The following TVP23C variants were observed in gnomAD, a reference collection of about 807,000 sequenced individuals.
TVP23C encodes Golgi apparatus membrane protein TVP23 homolog C.
TVP23C carries 19 observed loss-of-function variants against 28.7 expected under a neutral mutation model. The ratio of observed to expected loss-of-function variants is 0.66; its 90% CI spans 0.46 to 0.97. TVP23C has a LOEUF of 0.97. TVP23C is among the 50% of genes least tolerant of loss of function. TVP23C has a pLI of 0.00. For missense variants in TVP23C, 186 were observed against 241.3 expected (o/e 0.77, Z 1.52); for synonymous variants, 68 against 81.7 (o/e 0.83, Z 0.90).
Position 15,548,412 on chromosome 17 carries a change from G to A in TVP23C, c.241-1264C>T, listed in dbSNP as rs534333860. Among the ~76,000 whole-genome samples the A allele has an allele frequency of 5.3e-5, 8 of 152,238 alleles. No homozygotes were observed. In the South Asian group the frequency reaches 8.3e-4, roughly 16 times the overall value. On this transcript the variant is annotated intron_variant, in intron 3 of 5. Coordinates refer to ENST00000518321, the MANE Select transcript of TVP23C (RefSeq NM_001135036.2). ...AACTCCCAACCTCAGTGATTCACCC[G>A]CCTTGGCCTCCCAAAGTGCTGGGAT...
chr17:15,507,079 G>A (rs1415729990), intron 5 of TVP23C: 2 of 1,148,498 alleles, frequency 1.7e-6, no homozygotes, highest in Non-Finnish European at 2.6e-6. Flanking sequence ...ATGCCATAAT[G>A]GCACTGGTGC....
chr17:15,502,899 C>G, exon 6 of TVP23C: 4 of 1,593,640 alleles, frequency 2.5e-6, no homozygotes, highest in East Asian at 2.2e-5. Context: ...AATTTTGGCC[C>G]GGGCTCACCA....
chr17:15,517,868 A>C (rs1344908062), intron 5 of TVP23C, among the ~76,000 whole-genome samples: 1 of 152,200 alleles, frequency 6.6e-6, no homozygotes, highest in East Asian at 1.9e-4. Flanking sequence ...TTCTCACTCA[A>C]GAATGTTCCC....
chr17:15,551,777 T>C (rs563496522), intron 3 of TVP23C, among the ~76,000 whole-genome samples: 15 of 152,152 alleles, frequency 9.9e-5, no homozygotes, highest in East Asian at 1.9e-4. Context: ...AACCAAAAGA[T>C]TGGACACCCA....
Position 15,539,301 on chromosome 17 carries a change from A to G in TVP23C, c.*1111T>C. On this transcript the variant is annotated 3_prime_UTR_variant, in exon 6 of 6. Transcript: ENST00000518321. ...CTACTGTACTAACCAAATGCAAGGT[A>G]TTACTCATATAAAGACCTAGTCACG... 1.0e-6 allele frequency: 1 copy of G among 985,472 alleles called. No homozygotes were observed. Among genetic ancestry groups the G allele is most frequent in the Non-Finnish European group, 1.2e-6 (1 of 829,960 alleles). 61.0% of individuals were successfully genotyped at this position (985,472 alleles called of 1,614,324 possible). A position where few individuals can be genotyped will look rare whatever the true frequency, so the allele number is the denominator to read the frequency against.
At chr17:15,519,666 T>C (rs975875633) in intron 5 of TVP23C, among the ~76,000 whole-genome samples, 5 of 152,060 alleles carry the variant, frequency 3.3e-5, no homozygotes, top group Admixed American at 6.5e-5. Context: ...ATCCCAGCAC[T>C]TTGGGAGGCC....
At chr17:15,503,514 T>C in intron 5 of TVP23C, 1 of 264,742 alleles carries the variant, frequency 3.8e-6, no homozygotes, top group Non-Finnish European at 7.0e-6. Context: ...CAGAACCCTC[T>C]TAGTCTCGTT....
intron 5 of TVP23C, among the ~76,000 whole-genome samples, chr17:15,527,108 G>A (rs3865257): frequency 0.41 from 62,320 of 151,954 alleles, 15,917 homozygotes; most frequent in Non-Finnish European, 0.57. Flanking sequence ...CCACATCTCC[G>A]AACAGCCAGT....
chr17:15,519,520 A>C (rs1982380759), intron 5 of TVP23C, among the ~76,000 whole-genome samples: 1 of 151,916 alleles, frequency 6.6e-6, no homozygotes, highest in Non-Finnish European at 1.5e-5. Flanking sequence ...ATTGCGTGTT[A>C]AGCATGGGGA....
chr17:15,543,334 T>C (rs1983502076), intron 5 of TVP23C, among the ~76,000 whole-genome samples: 1 of 150,946 alleles, frequency 6.6e-6, no homozygotes, highest in Non-Finnish European at 1.5e-5. Context: ...GGACTGTCAC[T>C]GTAAGGATAA....
chr17:15,538,783 A>G lies in TVP23C; in HGVS notation c.*1629T>C. 1.0e-6 allele frequency: 1 copy of G among 985,346 alleles called. No homozygotes were observed. Among genetic ancestry groups the G allele is most frequent in the Non-Finnish European group, 1.2e-6 (1 of 829,932 alleles). The allele number at this position is 985,346 out of a possible 1,614,324, so 61.0% of individuals were successfully genotyped here. A position where few individuals can be genotyped will look rare whatever the true frequency, so the allele number is the denominator to read the frequency against. On this transcript the variant is annotated 3_prime_UTR_variant, in exon 6 of 6. Transcript: ENST00000518321. ...ATTCCATGTTCCTCCCCACCTTCAG[A>G]AACACTGAAAATTCTAACGAAAAAA...
chr17:15,506,120 C>T (rs8064272), intron 5 of TVP23C, among the ~76,000 whole-genome samples: 3,212 of 152,332 alleles, frequency 0.021, 125 homozygotes, highest in African/African-American at 0.071. Flanking sequence ...AGCCCCGGTG[C>T]GGGATCCACT....
At chr17:15,540,697 T>G (rs947617618) in intron 5 of TVP23C, 136 bp from the exon 6 acceptor site, 1 of 608,046 alleles carries the variant, frequency 1.6e-6, no homozygotes, top group Non-Finnish European at 3.0e-6. Context: ...TTGTGCCAGT[T>G]GAGATTTTCC....
At chr17:15,543,866 A>C (rs1401148885) in intron 5 of TVP23C, among the ~76,000 whole-genome samples, 1 of 151,722 alleles carries the variant, frequency 6.6e-6, no homozygotes, top group Non-Finnish European at 1.5e-5. Context: ...ATAGTAGATG[A>C]AAACAAATAA....
chr17:15,522,739 T>TTA (rs1250655071), intron 5 of TVP23C, among the ~76,000 whole-genome samples: 1 of 152,100 alleles, frequency 6.6e-6, no homozygotes, highest in African/African-American at 2.4e-5. Context: ...TTAAAAAAAC[T>TTA]TATATAAGTC....
intron 5 of TVP23C, among the ~76,000 whole-genome samples, chr17:15,520,652 C>T (rs1982436000): frequency 6.6e-6 from 1 of 152,028 alleles, no homozygotes; most frequent in African/African-American, 2.4e-5. Flanking sequence ...AAGTGGACAT[C>T]CACACATGTT....
At chr17:15,526,536 T>C (rs1374083062) in intron 5 of TVP23C, among the ~76,000 whole-genome samples, 2 of 152,234 alleles carry the variant, frequency 1.3e-5, no homozygotes, top group African/African-American at 4.8e-5. Flanking sequence ...TATATTGTAC[T>C]TATTTATTCA....
chr17:15,532,391 C>T (rs762699206), downstream of TVP23C, among the ~76,000 whole-genome samples: 22 of 152,234 alleles, frequency 1.4e-4, no homozygotes, highest in Non-Finnish European at 2.6e-4. Context: ...GGGGATGGGG[C>T]GTCTTGGATA....
downstream of TVP23C, among the ~76,000 whole-genome samples, chr17:15,532,951 C>T (rs907358561): frequency 2.6e-5 from 4 of 152,158 alleles, no homozygotes; most frequent in African/African-American, 9.7e-5. Context: ...ATGGCATCTA[C>T]CTTCAGTAAG....
Sources: gnomAD v4.1 joint callset for allele counts (sites outside exome capture counted in the v4.1 genomes callset) on GRCh38, gnomAD v4.1.1 for gene constraint, MANE v1.5 for transcripts, NCBI Gene and HGNC (gene_info 2026-07-23, HGNC 2026-07-21) for gene names.